Variants in NT5DC3 observed in about 807,000 individuals in gnomAD.
NT5DC3 encodes 5'-nucleotidase domain containing 3.
A neutral mutation model predicts 67.8 loss-of-function variants in NT5DC3; 42 were observed. The observed-to-expected ratio is 0.62, with a 90% CI of 0.48 to 0.80. The LOEUF (loss-of-function observed/expected upper bound fraction) is 0.80. Ranked by LOEUF, NT5DC3 falls within the 30% of genes least tolerant of loss-of-function variation. NT5DC3 has a pLI of 0.00. For synonymous variants in NT5DC3, 237 were observed against 255.6 expected, an observed-to-expected ratio of 0.93 and a Z score of 0.69; for missense variants, 570 against 696.4, an observed-to-expected ratio of 0.82 and a Z score of 2.04.
downstream of NT5DC3, chr12:103,766,642 C>T (rs1399392365): frequency 6.2e-6 from 2 of 324,410 alleles, no homozygotes; most frequent in African/African-American, 2.1e-5. Context: ...TGTAAGCCTC[C>T]GTCTTTGTAT....
At chr12:103,753,160 G>T in the NT5DC3 span, 4 of 1,600,398 alleles carry the variant, frequency 2.5e-6, no homozygotes, top group South Asian at 3.4e-5. Context: ...AGAGTCCATT[G>T]TTGGAAACAC....
intron 1 of NT5DC3, among the ~76,000 whole-genome samples, chr12:103,825,890 G>A (rs1887673925): frequency 6.6e-6 from 1 of 152,236 alleles, no homozygotes; most frequent in Non-Finnish European, 1.5e-5. Flanking sequence ...TCCACATGCT[G>A]TGCACCGGGT....
At chr12:103,800,484 C>T (rs1886520799) in intron 4 of NT5DC3, among the ~76,000 whole-genome samples, 1 of 152,264 alleles carries the variant, frequency 6.6e-6, no homozygotes, top group Non-Finnish European at 1.5e-5. Flanking sequence ...TCAGCCGGGT[C>T]AGAGTTATTT....
At chr12:103,824,572 G>T (rs1381131863) in intron 1 of NT5DC3, among the ~76,000 whole-genome samples, 1 of 152,120 alleles carries the variant, frequency 6.6e-6, no homozygotes, top group East Asian at 1.9e-4. Context: ...AGGCTAAACT[G>T]GAGTCCTTCT....
chr12:103,801,372 C>CTTTTTTTTT (rs869237844), intron 4 of NT5DC3, among the ~76,000 whole-genome samples: 5 of 78,946 alleles, frequency 6.3e-5, no homozygotes, highest in East Asian at 3.9e-4. Flanking sequence ...TTGGGGTGGG[C>CTTTTTTTTT]TTTTTTTTTT....
intron 1 of NT5DC3, among the ~76,000 whole-genome samples, chr12:103,833,862 A>G (rs1328014871): frequency 1.3e-5 from 2 of 152,224 alleles, no homozygotes; most frequent in Admixed American, 1.3e-4. Flanking sequence ...GCTTGAGTTC[A>G]AAGAAGACAC....
chr12:103,841,148 C>A lies in NT5DC3; in HGVS notation c.9G>T (p.Met3Ile). The A allele has an allele frequency of 1.3e-6, 1 of 778,964 alleles. No individual in the cohort carries two copies. Among genetic ancestry groups the A allele is most frequent in the Non-Finnish European group, 1.9e-6 (1 of 538,992 alleles). 48.3% of individuals were successfully genotyped at this position (778,964 alleles called of 1,614,324 possible). ...CGCGTGCCACCACCGCCGCCGCTGC[C>A]ATGGTCATGCCTGCTGCCTGCTGCC... MTMAAAAVVARGA... is the reference protein window; with the variant it reads MTIAAAAVVARGA... The change falls in exon 1 of 14, where the codon ATG becomes ATT. Residue 3 changes from methionine to isoleucine, a missense_variant. Transcript: ENST00000392876.
At chr12:103,786,846 A>G (rs947588602) in intron 11 of NT5DC3, among the ~76,000 whole-genome samples, 1 of 151,886 alleles carries the variant, frequency 6.6e-6, no homozygotes, top group African/African-American at 2.4e-5. Context: ...CCACGCCCAG[A>G]TAATTTTTGT....
chr12:103,769,689 C>T (rs574185062), downstream of NT5DC3, among the ~76,000 whole-genome samples: 3 of 152,364 alleles, frequency 2.0e-5, no homozygotes, highest in East Asian at 1.9e-4. Context: ...CTGCCACTAA[C>T]GCCAGAGGCG....
At chr12:103,816,967 C>CTTCT (rs548305833) in intron 1 of NT5DC3, among the ~76,000 whole-genome samples, 2 of 118,958 alleles carry the variant, frequency 1.7e-5, no homozygotes, top group African/African-American at 3.1e-5. Flanking sequence ...TTTCTTTTTT[C>CTTCT]TTTTTTTTTT....
At chr12:103,818,381 CTT>C (rs775516672) in intron 1 of NT5DC3, among the ~76,000 whole-genome samples, 30 of 142,456 alleles carry the variant, frequency 2.1e-4, no homozygotes, top group Admixed American at 2.8e-4. Context: ...CGACCATGGC[CTT>C]TTTTTTTTTT....
In NT5DC3 at chr12:103,775,903, T is replaced by C. The variant is rs1885325238; in HGVS notation, c.*1926A>G. The C allele has an allele frequency of 6.6e-6, 1 of 152,212 alleles. No individual in the cohort carries two copies. The highest frequency in any genetic ancestry group is 1.5e-5 in the Non-Finnish European group (1 of 68,044). 9.4% of individuals were successfully genotyped at this position (152,212 alleles called of 1,614,324 possible). A position where few individuals can be genotyped will look rare whatever the true frequency, so the allele number is the denominator to read the frequency against. On this transcript the variant is annotated 3_prime_UTR_variant, in exon 14 of 14. Transcript: ENST00000392876. Reference sequence around the variant, plus strand: ...GAATGCCAGACTTGGATTTCATCAATAGATGGTTACATACATTTATCACAA... The same window carrying C: ...GAATGCCAGACTTGGATTTCATCAACAGATGGTTACATACATTTATCACAA...
At chr12:103,767,647 A>G (rs1035779456), downstream of NT5DC3, among the ~76,000 whole-genome samples, 2 of 152,150 alleles carry the variant, frequency 1.3e-5, no homozygotes, top group African/African-American at 4.8e-5. Context: ...TTTAAATACA[A>G]TTAACCTGCC....
downstream of NT5DC3, chr12:103,765,911 C>T (rs549029842): frequency 1.7e-5 from 6 of 358,582 alleles, no homozygotes; most frequent in African/African-American, 8.5e-5. Flanking sequence ...ATTTTCAAAC[C>T]GAAAGGAGTT....
At chr12:103,804,567 T>C (rs1436699000) in intron 4 of NT5DC3, among the ~76,000 whole-genome samples, 1 of 152,022 alleles carries the variant, frequency 6.6e-6, no homozygotes, top group African/African-American at 2.4e-5. Context: ...TTTTAAAAAG[T>C]GACAAATTAT....
intron 5 of NT5DC3, 94 bp from the exon 6 acceptor site, chr12:103,797,125 GA>G: frequency 3.1e-6 from 4 of 1,293,868 alleles, no homozygotes; most frequent in Non-Finnish European, 4.4e-6. Context: ...CCTTTTCCGT[GA>G]CTAAACGAGA....
At chr12:103,833,777 GAGGAGTAGGA>G (rs1888030865) in intron 1 of NT5DC3, among the ~76,000 whole-genome samples, 1 of 151,754 alleles carries the variant, frequency 6.6e-6, no homozygotes, top group Non-Finnish European at 1.5e-5. Flanking sequence ...ACCCGTCTTG[GAGGAGTAGGA>G]AGGCTTCCAT....
At chr12:103,793,786 G>C (rs1185108426) in intron 7 of NT5DC3, 151 bp downstream of exon 7, 6 of 667,806 alleles carry the variant, frequency 9.0e-6, no homozygotes, top group Non-Finnish European at 1.6e-5. Context: ...CCAGGACAAA[G>C]AGGAGACGGC....
At chr12:103,753,311 T>C in the NT5DC3 span, 1 of 1,614,256 alleles carries the variant, frequency 6.2e-7, no homozygotes, top group Non-Finnish European at 8.5e-7. Context: ...CCAACGAAGC[T>C]GCGACCATGG....
Sources: allele counts gnomAD v4.1 joint callset (sites outside exome capture counted in the v4.1 genomes callset), GRCh38; gene constraint gnomAD v4.1.1; transcripts MANE v1.5; gene names NCBI Gene and HGNC (gene_info 2026-07-23, HGNC 2026-07-21).